Variants in RFFL observed in about 807,000 individuals in gnomAD.
RFFL encodes ring finger and FYVE like domain containing E3 ubiquitin protein ligase, also known as E3 ubiquitin-protein ligase rififylin.
In RFFL, 16 loss-of-function variants were observed where a neutral mutation model predicts 40.4. The observed-to-expected ratio is 0.40, with a 90% CI of 0.27 to 0.60. RFFL has a LOEUF of 0.60. Ranked by LOEUF, RFFL falls within the 20% of genes least tolerant of loss-of-function variation. RFFL has a pLI of 0.47. For synonymous variants in RFFL, 154 were observed against 167.9 expected (o/e 0.92, Z 0.64); for missense variants, 367 against 451.7 (o/e 0.81, Z 1.70).
intron 3 of RFFL, 65 bp from the exon 4 acceptor site, chr17:35,017,671 C>T (rs1222788505): frequency 1.9e-6 from 2 of 1,056,540 alleles, no homozygotes; most frequent in Non-Finnish European, 2.9e-6. Flanking sequence ...GCATGGGCCT[C>T]TTTTCAACTC....
At chr17:35,027,462 C>T (rs899838433) in intron 1 of RFFL, among the ~76,000 whole-genome samples, 4 of 152,178 alleles carry the variant, frequency 2.6e-5, no homozygotes, top group African/African-American at 9.7e-5. Context: ...CAGTGGCTCA[C>T]GCCTGTAATC....
chr17:35,037,509 GAAGA>G (rs1164426693), intron 1 of RFFL, among the ~76,000 whole-genome samples: 1 of 152,196 alleles, frequency 6.6e-6, no homozygotes, highest in Non-Finnish European at 1.5e-5. Context: ...GAGAAGTAAA[GAAGA>G]AAGTAGCCAC....
intron 2 of RFFL, among the ~76,000 whole-genome samples, chr17:35,022,433 T>C (rs1236489049): frequency 6.6e-6 from 1 of 152,234 alleles, no homozygotes; most frequent in Non-Finnish European, 1.5e-5. Flanking sequence ...GAGGTGCTTC[T>C]ATATGCTAGC....
At position 35,040,090 on chromosome 17, in the gene RFFL, T is replaced by C. The variant is rs181929162; in HGVS notation, c.-8-13529A>G. Among the ~76,000 whole-genome samples, 1,021 of 152,316 alleles carry C rather than the reference T, an allele frequency of 6.7e-3. 4 individuals carry two copies. The highest frequency in any genetic ancestry group is 7.4e-3 in the Non-Finnish European group (500 of 68,026). On this transcript the variant is annotated intron_variant, in intron 1 of 6. Transcript: ENST00000394597. The stretch of plus-strand genomic sequence containing the variant: ...AGGAATTCCAAGTGGCCAGATCTAA[T>C]TGACACTTCTCTATCCTCATCTTAA...
At position 35,009,976 on chromosome 17, in the gene RFFL, T is replaced by C. The variant is rs1264062321; in HGVS notation, c.*1992A>G. The C allele has an allele frequency of 6.5e-6, 1 of 152,678 alleles. No homozygotes were observed. The highest frequency in any genetic ancestry group is 1.5e-5 in the Non-Finnish European group (1 of 68,056). 9.5% of individuals were successfully genotyped at this position (152,678 alleles called of 1,614,324 possible). A position where few individuals can be genotyped will look rare whatever the true frequency, so the allele number is the denominator to read the frequency against. ...ACAAAAGTGGAAAGGGATGTCTTCA[T>C]GAGCAAATCTGATTCCCCCAACTCC... On this transcript the variant is annotated 3_prime_UTR_variant, in exon 7 of 7. Transcript: ENST00000394597.
chr17:35,036,077 T>C (rs2091120295), intron 1 of RFFL, among the ~76,000 whole-genome samples: 1 of 152,136 alleles, frequency 6.6e-6, no homozygotes, highest in Admixed American at 6.6e-5. Flanking sequence ...CCTGCCAAAC[T>C]GGAAAGCCCT....
intron 1 of RFFL, among the ~76,000 whole-genome samples, chr17:35,073,082 G>T (rs1278830521): frequency 6.6e-6 from 1 of 151,264 alleles, no homozygotes; most frequent in African/African-American, 2.4e-5. Flanking sequence ...CAACTGTCCA[G>T]CCACTACGGG....
chr17:35,070,318 T>C (rs925907507), intron 1 of RFFL, among the ~76,000 whole-genome samples: 41 of 152,304 alleles, frequency 2.7e-4, no homozygotes, highest in Admixed American at 1.3e-3. Flanking sequence ...CACTGGTGCA[T>C]GCCACCATGC....
At chr17:35,069,936 C>T (rs986172866) in intron 1 of RFFL, among the ~76,000 whole-genome samples, 3 of 151,856 alleles carry the variant, frequency 2.0e-5, no homozygotes, top group Non-Finnish European at 2.9e-5. Flanking sequence ...TTAAAAAATG[C>T]TCCATAATAC....
intron 3 of RFFL, among the ~76,000 whole-genome samples, chr17:35,018,099 T>C (rs1209873199): frequency 6.6e-6 from 1 of 152,124 alleles, no homozygotes; most frequent in Non-Finnish European, 1.5e-5. Flanking sequence ...TTTCCCCTCC[T>C]TCACACTAAA....
At chr17:35,019,537 C>A (rs1319846830) in intron 3 of RFFL, among the ~76,000 whole-genome samples, 1 of 152,052 alleles carries the variant, frequency 6.6e-6, no homozygotes, top group Non-Finnish European at 1.5e-5. Flanking sequence ...CCACGCCCAG[C>A]TAATTTTTGT....
chr17:35,071,650 G>A (rs2091351490), intron 1 of RFFL, among the ~76,000 whole-genome samples: 1 of 151,652 alleles, frequency 6.6e-6, no homozygotes, highest in South Asian at 2.1e-4. Context: ...CAATTTCTTT[G>A]GAAAACTGAA....
chr17:35,072,528 T>C (rs759442204), intron 1 of RFFL, among the ~76,000 whole-genome samples: 24 of 151,596 alleles, frequency 1.6e-4, no homozygotes, highest in Non-Finnish European at 3.2e-4. Flanking sequence ...GGTAGAACAG[T>C]TACACAAATC....
intron 1 of RFFL, among the ~76,000 whole-genome samples, chr17:35,033,548 A>AATAC (rs148709072): frequency 0.046 from 6,920 of 151,766 alleles, 594 homozygotes; most frequent in African/African-American, 0.16. Flanking sequence ...TAAATAAATA[A>AATAC]ATACATAAGA....
chr17:35,039,833 A>G (rs2091151341), intron 1 of RFFL, among the ~76,000 whole-genome samples: 1 of 151,888 alleles, frequency 6.6e-6, no homozygotes, highest in African/African-American at 2.4e-5. Flanking sequence ...ATACAACTCC[A>G]TGCCCAGCTA....
At chr17:35,084,449 C>T (rs1447955206) in intron 1 of RFFL, among the ~76,000 whole-genome samples, 3 of 151,698 alleles carry the variant, frequency 2.0e-5, no homozygotes, top group Admixed American at 6.6e-5. Flanking sequence ...CAAAAATTAG[C>T]CGGGTGTGGT....
intron 1 of RFFL, among the ~76,000 whole-genome samples, chr17:35,072,802 G>T (rs970980223): frequency 1.6e-4 from 25 of 152,002 alleles, no homozygotes; most frequent in African/African-American, 5.8e-4. Flanking sequence ...CCAGCACTTT[G>T]GGAGGCCGAG....
Position 35,009,895 on chromosome 17 carries a change from T to G in RFFL, c.*2073A>C, listed in dbSNP as rs3744358. 0.26 allele frequency: 40,344 copies of G among 152,578 alleles called. 5,779 individuals carry two copies. Among genetic ancestry groups the G allele is most frequent in the Admixed American group, 0.39 (5,940 of 15,280 alleles). 9.5% of individuals were successfully genotyped at this position (152,578 alleles called of 1,614,324 possible). A position where few individuals can be genotyped will look rare whatever the true frequency, so the allele number is the denominator to read the frequency against. On this transcript the variant is annotated 3_prime_UTR_variant, in exon 7 of 7. Transcript: ENST00000394597. ...TTTACAGAGGAACTGAGTAGCTGAA[T>G]GAATGATCCTTTGCTAATTGGTAGG...
Position 35,021,771 on chromosome 17 carries a change from A to G in RFFL, c.191T>C (p.Leu64Ser). 6.2e-7 allele frequency: 1 copy of G among 1,614,204 alleles called. No homozygotes were observed. The highest frequency in any genetic ancestry group is 1.3e-5 in the African/African-American group (1 of 75,044). ...FANTARKQTC[L>S]DCKKNFCMTC... Reference sequence around the variant, plus strand: ...CATGCAAAAATTTTTCTTACAGTCCAAGCAGGTCTGCTGCTTAGAGCAAAA... The same window carrying G: ...CATGCAAAAATTTTTCTTACAGTCCGAGCAGGTCTGCTGCTTAGAGCAAAA... Residue 64 changes from leucine (L) to serine (S), a missense_variant, in exon 3 of 7, where the codon TTG becomes TCG. By Grantham distance (145) the Leu-to-Ser change is moderately radical. Transcript: ENST00000394597.
Sources: allele counts gnomAD v4.1 joint callset (sites outside exome capture counted in the v4.1 genomes callset), GRCh38; gene constraint gnomAD v4.1.1; transcripts MANE v1.5; gene names NCBI Gene and HGNC (gene_info 2026-07-23, HGNC 2026-07-21).